C9: variants seen among roughly 807,000 people sequenced by gnomAD.
C9 encodes complement C9.
A neutral mutation model predicts 65.4 loss-of-function variants in C9; 63 were observed. That is an observed-to-expected ratio of 0.96 (90% CI 0.79 to 1.19). The LOEUF is 1.19. Ranked by LOEUF, C9 falls within the 50% of genes most tolerant of loss-of-function variation. C9 has a pLI of 0.00. For synonymous variants in C9, 229 were observed against 227.9 expected (o/e 1.00, Z -0.04); for missense variants, 744 against 670.1 (o/e 1.11, Z -1.22).
chr5:39,288,564 G>A (rs1753032970), intron 10 of C9, among the ~76,000 whole-genome samples, 159 bp downstream of exon 10: 1 of 151,366 alleles, frequency 6.6e-6, no homozygotes, highest in South Asian at 2.1e-4. Context: ...ACACATAAAG[G>A]CTGATTTACC....
intron 4 of C9, among the ~76,000 whole-genome samples, chr5:39,334,581 C>A (rs1356645315): frequency 2.9e-4 from 43 of 149,456 alleles, no homozygotes; most frequent in Admixed American, 2.1e-3. Context: ...GGGTCAGCCC[C>A]CCGCCCGGCC....
chr5:39,342,228 A>G (rs1561350918), intron 1 of C9, 32 bp from the exon 2 acceptor site: 2 of 1,128,140 alleles, frequency 1.8e-6, no homozygotes, highest in Non-Finnish European at 2.7e-6. Context: ...GTTTATAATG[A>G]CCATTGTGTA....
intron 9 of C9, among the ~76,000 whole-genome samples, chr5:39,291,919 G>C (rs920666910): frequency 2.0e-5 from 3 of 151,274 alleles, no homozygotes; most frequent in African/African-American, 7.3e-5. Context: ...TTGAAGGGAG[G>C]GAACCCAGAA....
rs949839791 is a variant in C9 at position 39,341,027 on chromosome 5, C to A, written c.476+119G>T. 1.1e-5 allele frequency: 12 copies of A among 1,081,106 alleles called. No homozygotes were observed. In the Admixed American group the frequency reaches 1.4e-4, roughly 13 times the overall value. The allele number at this position is 1,081,106 out of a possible 1,614,324, so 67.0% of individuals were successfully genotyped here. On this transcript the variant is annotated intron_variant, in intron 4 of 10. Coordinates refer to ENST00000263408, the MANE Select transcript of C9 (RefSeq NM_001737.5). ...AAAGGTAGTTCAAAAATAATACAGA[C>A]CCATCAGCTGTATCACCTATGTCCC...
At chr5:39,353,779 A>T (rs1281477139) in intron 1 of C9, among the ~76,000 whole-genome samples, 1 of 152,264 alleles carries the variant, frequency 6.6e-6, no homozygotes. Flanking sequence ...AGCTAAAAAT[A>T]CCAGTGAGCT....
At chr5:39,358,209 GT>G (rs769795597) in intron 1 of C9, among the ~76,000 whole-genome samples, 2 of 152,226 alleles carry the variant, frequency 1.3e-5, no homozygotes. Context: ...TTTGGAATGA[GT>G]TGTTACACAG....
intron 1 of C9, among the ~76,000 whole-genome samples, chr5:39,358,778 G>A (rs1199433429): frequency 2.0e-5 from 3 of 151,876 alleles, no homozygotes; most frequent in African/African-American, 7.3e-5. Flanking sequence ...GAGGTAAGGA[G>A]ATCGAGACCA....
rs1753419666 is a variant in C9, at chr5:39,308,463, A to G, written c.1112-105T>C. On this transcript the variant is annotated intron_variant, in intron 7 of 10. Transcript: ENST00000263408. Reference sequence around the variant, plus strand: ...GCAACATCCTTACTTAGGTTCCTATACACCATGACTAAATTCAAATGTGCC... The same window carrying G: ...GCAACATCCTTACTTAGGTTCCTATGCACCATGACTAAATTCAAATGTGCC... The G allele has an allele frequency of 6.3e-6, 5 of 799,278 alleles. No homozygotes were observed. In the East Asian group the frequency reaches 1.3e-4, roughly 21 times the overall value. 49.5% of individuals were successfully genotyped at this position (799,278 alleles called of 1,614,324 possible).
chr5:39,342,010 C>T, intron 2 of C9, 81 bp downstream of exon 2: 1 of 858,994 alleles, frequency 1.2e-6, no homozygotes, highest in Non-Finnish European at 2.0e-6. Flanking sequence ...GGGCTCCCTG[C>T]CTCATAATCA....
At chr5:39,299,105 A>T (rs1753237903) in intron 9 of C9, among the ~76,000 whole-genome samples, 1 of 151,996 alleles carries the variant, frequency 6.6e-6, no homozygotes, top group Non-Finnish European at 1.5e-5. Flanking sequence ...GCAATATTAT[A>T]TTAGATGCAT....
intron 5 of C9, among the ~76,000 whole-genome samples, chr5:39,330,976 A>T (rs941778942): frequency 2.6e-5 from 4 of 152,210 alleles, no homozygotes; most frequent in African/African-American, 9.6e-5. Context: ...GCTCTTCTTT[A>T]CCAATGGGAC....
intron 1 of C9, among the ~76,000 whole-genome samples, chr5:39,348,339 C>A (rs901971755): frequency 3.3e-5 from 5 of 152,100 alleles, no homozygotes; most frequent in Non-Finnish European, 7.4e-5. Flanking sequence ...AAGCAAACAA[C>A]CCCATCAAAA....
At chr5:39,321,598 T>C (rs1753668873) in intron 5 of C9, among the ~76,000 whole-genome samples, 1 of 151,964 alleles carries the variant, frequency 6.6e-6, no homozygotes. Flanking sequence ...TTAAATGTAC[T>C]CAATCAAGAG....
At chr5:39,345,215 GAC>G (rs1254119572) in intron 1 of C9, among the ~76,000 whole-genome samples, 1 of 152,140 alleles carries the variant, frequency 6.6e-6, no homozygotes, top group East Asian at 1.9e-4. Context: ...CCAATTAAAA[GAC>G]ACAGACTGGC....
intron 1 of C9, among the ~76,000 whole-genome samples, chr5:39,350,181 G>A (rs1456830013): frequency 6.6e-6 from 1 of 152,142 alleles, no homozygotes; most frequent in East Asian, 1.9e-4. Context: ...AGAGTGACGG[G>A]GGAAGTACTA....
chr5:39,349,440 T>G (rs1754277553), intron 1 of C9, among the ~76,000 whole-genome samples: 1 of 152,242 alleles, frequency 6.6e-6, no homozygotes, highest in South Asian at 2.1e-4. Context: ...CCTCCTGCCC[T>G]TCACAATAAC....
intron 5 of C9, among the ~76,000 whole-genome samples, chr5:39,319,453 C>A (rs1041383983): frequency 3.3e-5 from 5 of 152,084 alleles, no homozygotes; most frequent in African/African-American, 1.2e-4. Flanking sequence ...TGAGGCTGGT[C>A]TCTGTAGCCC....
chr5:39,350,249 A>G (rs769536325), intron 1 of C9, among the ~76,000 whole-genome samples: 5 of 152,196 alleles, frequency 3.3e-5, no homozygotes, highest in Non-Finnish European at 7.3e-5. Context: ...GCAAAAAGGA[A>G]GTCCAGCCCC....
chr5:39,289,019 CTT>C (rs957145014), intron 9 of C9, 68 bp from the exon 10 acceptor site: 4 of 844,334 alleles, frequency 4.7e-6, no homozygotes, highest in African/African-American at 1.7e-5. Flanking sequence ...ATACACTTTA[CTT>C]AATTATTCAT....
Sources: allele counts gnomAD v4.1 joint callset (sites outside exome capture counted in the v4.1 genomes callset), GRCh38; gene constraint gnomAD v4.1.1; transcripts MANE v1.5; gene names NCBI Gene and HGNC (gene_info 2026-07-23, HGNC 2026-07-21).